NPR3: variants seen among roughly 807,000 people sequenced by gnomAD.
The protein encoded by NPR3 is atrial natriuretic peptide receptor 3.
In NPR3, 34 loss-of-function variants were observed where a neutral mutation model predicts 54.5. The observed-to-expected ratio is 0.62, with a 90% confidence interval of 0.47 to 0.83. The LOEUF is 0.83. Ranked by LOEUF, NPR3 falls within the 40% of genes least tolerant of loss-of-function variation. The probability of loss-of-function intolerance (pLI) is 0.00; values close to 1 mark genes in which losing one functional copy is unlikely to be tolerated. For missense variants in NPR3, 674 were observed against 720.8 expected (o/e 0.94, Z 0.74); for synonymous variants, 289 against 297.1 (o/e 0.97, Z 0.28).
intron 3 of NPR3, among the ~76,000 whole-genome samples, chr5:32,750,067 T>C (rs968492490): frequency 2.0e-5 from 3 of 152,214 alleles, no homozygotes; most frequent in African/African-American, 7.2e-5. Context: ...TGGAGTTCCC[T>C]GCCACCCTTC....
chr5:32,738,407 C>T (rs1461986624), intron 2 of NPR3, among the ~76,000 whole-genome samples: 1 of 152,086 alleles, frequency 6.6e-6, no homozygotes, highest in Non-Finnish European at 1.5e-5. Flanking sequence ...TGTGCATATC[C>T]ATTGTCATGC....
intron 3 of NPR3, among the ~76,000 whole-genome samples, chr5:32,750,204 C>T (rs755942694): frequency 3.9e-5 from 6 of 152,202 alleles, no homozygotes; most frequent in Non-Finnish European, 8.8e-5. Flanking sequence ...TCTCGGCTCA[C>T]TGCAACCTCC....
chr5:32,702,559 A>G (rs968602730), intron 1 of NPR3, among the ~76,000 whole-genome samples: 6 of 151,532 alleles, frequency 4.0e-5, no homozygotes, highest in African/African-American at 4.9e-5. Context: ...ATGATTTCCA[A>G]TTTCATCCGT....
At chr5:32,782,747 G>T in intron 5 of NPR3, 146 bp from the exon 6 acceptor site, 1 of 739,020 alleles carries the variant, frequency 1.4e-6, no homozygotes. Context: ...TGCTGTCCTT[G>T]CCCTGGAGAC....
At chr5:32,751,358 C>T (rs1294988182) in intron 3 of NPR3, among the ~76,000 whole-genome samples, 1 of 152,158 alleles carries the variant, frequency 6.6e-6, no homozygotes, top group African/African-American at 2.4e-5. Flanking sequence ...GAGCAGAGAC[C>T]ATCTCCTCTG....
chr5:32,760,735 A>T (rs536680500), intron 3 of NPR3, among the ~76,000 whole-genome samples: 3 of 151,596 alleles, frequency 2.0e-5, no homozygotes, highest in East Asian at 3.9e-4. Context: ...ATCATCTTTA[A>T]TAAAAATCTG....
rs532175626 is a variant in NPR3 at position 32,776,385 on chromosome 5, G to T, written c.1195+1542G>T. 1.8e-4 allele frequency among the ~76,000 whole-genome samples: 27 copies of T among 152,268 alleles called. No homozygotes were observed. In the East Asian group the frequency reaches 2.1e-3, roughly 12 times the overall value. On this transcript the variant is annotated intron_variant, in intron 4 of 7. Coordinates refer to ENST00000265074, the MANE Select transcript of NPR3 (RefSeq NM_001204375.2). The stretch of plus-strand genomic sequence containing the variant: ...TGCAATATGCTATCACAAGCCTCTT[G>T]CACATCTTGAAGAATTTTTGTGAGT...
At chr5:32,728,103 T>C (rs531750885) in intron 2 of NPR3, among the ~76,000 whole-genome samples, 8 of 152,342 alleles carry the variant, frequency 5.3e-5, no homozygotes, top group Non-Finnish European at 1.0e-4. Context: ...AAAAGATATA[T>C]TGTTGAGTTT....
chr5:32,729,076 C>A, intron 2 of NPR3, among the ~76,000 whole-genome samples: 1 of 117,394 alleles, frequency 8.5e-6, no homozygotes, highest in Non-Finnish European at 1.6e-5. Context: ...GTCGCCCAGG[C>A]TGGAGTGCAG....
At chr5:32,745,237 A>G (rs1740234106) in intron 3 of NPR3, among the ~76,000 whole-genome samples, 1 of 152,132 alleles carries the variant, frequency 6.6e-6, no homozygotes, top group South Asian at 2.1e-4. Flanking sequence ...GGTTCTGAGG[A>G]CCATCTGGAG....
intron 2 of NPR3, among the ~76,000 whole-genome samples, chr5:32,733,481 T>C (rs1739572052): frequency 2.0e-5 from 3 of 152,216 alleles, no homozygotes; most frequent in African/African-American, 7.2e-5. Flanking sequence ...GTAACTTATC[T>C]GGGCGATCCT....
intron 3 of NPR3, among the ~76,000 whole-genome samples, chr5:32,751,387 G>A (rs1182782503): frequency 6.6e-6 from 1 of 152,196 alleles, no homozygotes; most frequent in Non-Finnish European, 1.5e-5. Flanking sequence ...CCACTCTGTA[G>A]CAATCTCCAT....
At chr5:32,700,745 C>T (rs1579569778) in intron 1 of NPR3, among the ~76,000 whole-genome samples, 1 of 152,142 alleles carries the variant, frequency 6.6e-6, no homozygotes, top group Non-Finnish European at 1.5e-5. Flanking sequence ...TTTATGGCTG[C>T]ATAGTATTCC....
In NPR3 at chr5:32,740,713, A is replaced by C. The variant is rs1739993523; in HGVS notation, c.1059+1683A>C. Among the ~76,000 whole-genome samples, 3 of 152,306 alleles carry C rather than the reference A, an allele frequency of 2.0e-5. No homozygotes were observed. In the South Asian group the frequency reaches 6.2e-4, roughly 32 times the overall value. ...AATTAAAAATTATTAATGAGATTTT[A>C]ATGTATTTCTTGTACTATGTCTTGG... On this transcript the variant is annotated intron_variant, in intron 3 of 7. Transcript: ENST00000265074.
At chr5:32,770,435 A>AAG (rs1554018702) in intron 3 of NPR3, among the ~76,000 whole-genome samples, 1 of 152,176 alleles carries the variant, frequency 6.6e-6, no homozygotes, top group Non-Finnish European at 1.5e-5. Flanking sequence ...GTTTCAAAAA[A>AAG]AAAAAGAAAA....
chr5:32,704,396 G>T (rs1426677065), intron 1 of NPR3, among the ~76,000 whole-genome samples: 1 of 151,972 alleles, frequency 6.6e-6, no homozygotes, highest in Non-Finnish European at 1.5e-5. Context: ...GTGTGTGTGT[G>T]TGTGTGTATA....
intron 3 of NPR3, among the ~76,000 whole-genome samples, chr5:32,750,686 T>G (rs1740530619): frequency 6.6e-6 from 1 of 152,060 alleles, no homozygotes; most frequent in Admixed American, 6.6e-5. Flanking sequence ...CAGGATGTAT[T>G]TGAGAGAGCG....
chr5:32,728,160 G>A (rs904190773), intron 2 of NPR3, among the ~76,000 whole-genome samples: 4 of 152,248 alleles, frequency 2.6e-5, no homozygotes, highest in African/African-American at 7.2e-5. Context: ...ATTCATGAGT[G>A]AGATTCAAGA....
chr5:32,774,679 G>A, intron 3 of NPR3, 29 bp from the exon 4 acceptor site: 1 of 1,586,030 alleles, frequency 6.3e-7, no homozygotes, highest in Non-Finnish European at 8.7e-7. Context: ...TTGGTGTTTT[G>A]GTTCACCCAT....
Sources: gnomAD v4.1 joint callset for allele counts (sites outside exome capture counted in the v4.1 genomes callset) on GRCh38, gnomAD v4.1.1 for gene constraint, MANE v1.5 for transcripts, NCBI Gene and HGNC (gene_info 2026-07-23, HGNC 2026-07-21) for gene names.